The following KIAA0319L variants were observed in gnomAD, a reference collection of about 807,000 sequenced individuals.
The protein encoded by KIAA0319L is dyslexia-associated protein KIAA0319-like protein.
Under a neutral mutation model 120.1 loss-of-function variants are expected in KIAA0319L, and 55 were observed. The ratio of observed to expected loss-of-function variants is 0.46; its 90% confidence interval spans 0.37 to 0.57. The LOEUF is 0.57. KIAA0319L is among the 20% of genes least tolerant of loss of function. The probability of loss-of-function intolerance (pLI) is 0.00; values close to 1 mark genes in which losing one functional copy is unlikely to be tolerated. For synonymous variants in KIAA0319L, 398 were observed against 471.9 expected (o/e 0.84, Z 2.03); for missense variants, 1,049 against 1,255.3 (o/e 0.84, Z 2.48).
At chr1:35,554,261 T>A (rs1486951060) in intron 2 of KIAA0319L, 89 bp downstream of exon 2, 3 of 979,128 alleles carry the variant, frequency 3.1e-6, no homozygotes, top group Non-Finnish European at 4.2e-6. Flanking sequence ...TTTTTCTGCC[T>A]CCTAATAGTC....
intron 2 of KIAA0319L, among the ~76,000 whole-genome samples, chr1:35,535,546 A>G (rs1473147217): frequency 6.6e-6 from 1 of 152,166 alleles, no homozygotes; most frequent in Non-Finnish European, 1.5e-5. Flanking sequence ...CATGTGTAAA[A>G]CAGGAATAAT....
chr1:35,493,116 A>G (rs1443922879), intron 3 of KIAA0319L, among the ~76,000 whole-genome samples: 1 of 152,254 alleles, frequency 6.6e-6, no homozygotes, highest in East Asian at 1.9e-4. Flanking sequence ...ATTTATAGAC[A>G]ACATGATTAT....
At chr1:35,435,823 T>C (rs535308810) in intron 20 of KIAA0319L, among the ~76,000 whole-genome samples, 19 of 152,210 alleles carry the variant, frequency 1.2e-4, no homozygotes, top group African/African-American at 4.6e-4. Flanking sequence ...AGACATGAAA[T>C]GTGGTCTGAT....
At chr1:35,469,263 A>C (rs1225739381) in intron 6 of KIAA0319L, among the ~76,000 whole-genome samples, 3 of 152,114 alleles carry the variant, frequency 2.0e-5, no homozygotes, top group Non-Finnish European at 4.4e-5. Flanking sequence ...AATTTTACTT[A>C]TTTAGTTCTT....
intron 1 of KIAA0319L, among the ~76,000 whole-genome samples, chr1:35,555,198 T>A (rs1647787968): frequency 6.6e-6 from 1 of 152,190 alleles, no homozygotes; most frequent in African/African-American, 2.4e-5. Context: ...TACCATAAAT[T>A]TCTCCCCTCA....
chr1:35,536,043 C>T (rs935845755), intron 2 of KIAA0319L, among the ~76,000 whole-genome samples: 1 of 152,140 alleles, frequency 6.6e-6, no homozygotes, highest in Non-Finnish European at 1.5e-5. Context: ...GAGTTATAGT[C>T]ATTTGAATCA....
At chr1:35,521,116 G>A (rs1473270846) in intron 2 of KIAA0319L, among the ~76,000 whole-genome samples, 1 of 151,550 alleles carries the variant, frequency 6.6e-6, no homozygotes, top group Non-Finnish European at 1.5e-5. Flanking sequence ...TGAGGCGGGT[G>A]GATCATTTGA....
intron 3 of KIAA0319L, among the ~76,000 whole-genome samples, chr1:35,494,404 G>A (rs560600279): frequency 5.9e-5 from 9 of 152,038 alleles, no homozygotes; most frequent in South Asian, 4.1e-4. Flanking sequence ...AGCCAAGATC[G>A]CGCCATTGCA....
chr1:35,527,230 G>C (rs759847968), intron 2 of KIAA0319L, among the ~76,000 whole-genome samples: 1 of 150,652 alleles, frequency 6.6e-6, no homozygotes, highest in Non-Finnish European at 1.5e-5. Flanking sequence ...TGCATCCCTG[G>C]GATAAATCCC....
At position 35,453,704 on chromosome 1, in the gene KIAA0319L, G is replaced by A. The variant is rs1259628318; in HGVS notation, c.1781-15C>T. ...CTTATTGTTTTCTGGAAGACAAAGA[G>A]TTAGAGGTCAAAAGCAGCCAGTCCA... is the stretch of plus-strand genomic sequence containing the variant. On this transcript the variant is annotated splice_polypyrimidine_tract_variant and intron_variant, in intron 11 of 20. Coordinates refer to ENST00000325722, the MANE Select transcript of KIAA0319L (RefSeq NM_024874.5). The surrounding 1 kb of genome is among the most constrained non-coding windows in gnomAD (Gnocchi z 4.1). 2.5e-6 allele frequency: 4 copies of A among 1,610,142 alleles called. No homozygotes were observed. The highest frequency in any genetic ancestry group is 1.7e-5 in the Admixed American group (1 of 59,542).
chr1:35,457,735 G>A (rs1032609696), intron 9 of KIAA0319L, among the ~76,000 whole-genome samples: 8 of 152,260 alleles, frequency 5.3e-5, no homozygotes, highest in South Asian at 2.1e-4. Context: ...AGGGCCAGAC[G>A]TCAGTGAGGT....
intron 9 of KIAA0319L, among the ~76,000 whole-genome samples, chr1:35,458,678 G>C (rs1030891513): frequency 6.6e-6 from 1 of 152,142 alleles, no homozygotes; most frequent in African/African-American, 2.4e-5. Context: ...CATAATACCT[G>C]TTATAAGAAT....
Position 35,506,955 on chromosome 1 carries a change from G to C in KIAA0319L, c.323C>G (p.Ala108Gly), listed in dbSNP as rs1389581028. 6.2e-7 allele frequency: 1 copy of C among 1,613,796 alleles called. No homozygotes were observed. The highest frequency in any genetic ancestry group is 8.5e-7 in the Non-Finnish European group (1 of 1,179,890). The change falls in exon 3 of 21, where the codon GCA becomes GGA. Residue 108 changes from alanine to glycine, a missense_variant. Coordinates refer to ENST00000325722, the MANE Select transcript of KIAA0319L (RefSeq NM_024874.5). The surrounding 1 kb of genome is among the most constrained non-coding windows in gnomAD (Gnocchi z 4.0). ...FWWLEGMCIQ[A>G]DCSRPQSCRA... The stretch of plus-strand genomic sequence containing the variant: ...GCAGCTCTGGGGCCTGCTGCAGTCT[G>C]CCTGAATGCACATCCCTTCTAGCCA...
intron 11 of KIAA0319L, 117 bp downstream of exon 11, chr1:35,454,245 C>T: frequency 9.8e-7 from 1 of 1,017,382 alleles, no homozygotes; most frequent in Non-Finnish European, 1.5e-6. Flanking sequence ...ACCAGAGGCT[C>T]TATGGATCGG....
At chr1:35,484,405 C>G (rs1644285249) in intron 3 of KIAA0319L, among the ~76,000 whole-genome samples, 1 of 152,212 alleles carries the variant, frequency 6.6e-6, no homozygotes, top group South Asian at 2.1e-4. Flanking sequence ...GGACCCCTAT[C>G]TCTAAAATAA....
chr1:35,502,788 C>T (rs1244370588), intron 3 of KIAA0319L, among the ~76,000 whole-genome samples: 2 of 152,184 alleles, frequency 1.3e-5, no homozygotes, highest in Non-Finnish European at 2.9e-5. Flanking sequence ...CTATCTTTGC[C>T]TCTTTTTATA....
intron 13 of KIAA0319L, among the ~76,000 whole-genome samples, chr1:35,450,911 G>A (rs923859074): frequency 6.6e-6 from 1 of 152,202 alleles, no homozygotes; most frequent in South Asian, 2.1e-4. Flanking sequence ...ATCTTAAAAT[G>A]TTATTCTCTG....
chr1:35,449,807 T>C (rs1331717668), intron 15 of KIAA0319L, 60 bp downstream of exon 15: 11 of 1,590,116 alleles, frequency 6.9e-6, no homozygotes, highest in African/African-American at 1.3e-5. Flanking sequence ...GATCTCAGGA[T>C]AGAGGCCTTG....
rs753534908 is a variant in KIAA0319L at position 35,478,490 on chromosome 1, C to T, written c.913+476G>A. On this transcript the variant is annotated intron_variant, in intron 4 of 20. Transcript: ENST00000325722. ...TCTATTTTACATGATGTGATTATTA[C>T]ACATTGCATGTCTGCATCAAAGTAT... 5.9e-5 allele frequency among the ~76,000 whole-genome samples: 9 copies of T among 152,258 alleles called. 1 individual carries two copies. The South Asian group carries it at 1.7e-3, about 28-fold the overall frequency.
Sources: allele counts gnomAD v4.1 joint callset (sites outside exome capture counted in the v4.1 genomes callset), GRCh38; gene constraint gnomAD v4.1.1; non-coding constraint Gnocchi (gnomAD v3.1); transcripts MANE v1.5; gene names NCBI Gene and HGNC (gene_info 2026-07-23, HGNC 2026-07-21).